GABBR2: variants seen among roughly 807,000 people sequenced by gnomAD.
GABBR2 encodes G-protein coupled receptor 51.
Under a neutral mutation model 105.6 loss-of-function variants are expected in GABBR2, and 23 were observed. That is an observed-to-expected ratio of 0.22 (90% CI 0.16 to 0.31). GABBR2 has a LOEUF of 0.31. GABBR2 is among the 10% of genes least tolerant of loss of function. The probability of loss-of-function intolerance (pLI) is 1.00; values close to 1 mark genes in which losing one functional copy is unlikely to be tolerated. For missense variants in GABBR2, 734 were observed against 1,245.5 expected, an observed-to-expected ratio of 0.59 and a Z score of 6.18; for synonymous variants, 478 against 499.7, an observed-to-expected ratio of 0.96 and a Z score of 0.58.
Position 98,422,439 on chromosome 9 carries a change from T to C in GABBR2, c.1237-16298A>G, listed in dbSNP as rs140839538. Among the ~76,000 whole-genome samples the C allele has an allele frequency of 3.5e-3, 533 of 152,114 alleles. 2 individuals are homozygous for C. The highest frequency in any genetic ancestry group is 0.011 in the African/African-American group (476 of 41,446). On this transcript the variant is annotated intron_variant, in intron 7 of 18. Coordinates refer to ENST00000259455, the MANE Select transcript of GABBR2 (RefSeq NM_005458.8). ...ACTCTTTGACCCAGAATTTCACTCC[T>C]GGGAAACAGCCTAAGAAATTCTCAT...
At chr9:98,308,439 G>A (rs1422332753) in intron 14 of GABBR2, among the ~76,000 whole-genome samples, 2 of 152,184 alleles carry the variant, frequency 1.3e-5, no homozygotes, top group Non-Finnish European at 2.9e-5. Flanking sequence ...GTTGAATGGT[G>A]ACTCTAAAAG....
At chr9:98,380,635 A>G (rs1831956323) in intron 11 of GABBR2, among the ~76,000 whole-genome samples, 1 of 152,236 alleles carries the variant, frequency 6.6e-6, no homozygotes, top group Non-Finnish European at 1.5e-5. Context: ...GGGAGACAGC[A>G]CGGGGTATAG....
intron 7 of GABBR2, among the ~76,000 whole-genome samples, chr9:98,452,227 G>T (rs962972760): frequency 6.6e-6 from 1 of 152,180 alleles, no homozygotes; most frequent in Non-Finnish European, 1.5e-5. Flanking sequence ...AAATGCCCCA[G>T]CCAGCTCAGC....
intron 3 of GABBR2, among the ~76,000 whole-genome samples, chr9:98,527,361 G>A (rs1198695623): frequency 1.3e-5 from 2 of 151,796 alleles, no homozygotes; most frequent in Non-Finnish European, 2.9e-5. Flanking sequence ...ATGCAGTACC[G>A]CCTCAATGAA....
chr9:98,614,729 G>C (rs1051448921), intron 1 of GABBR2, among the ~76,000 whole-genome samples: 2 of 151,648 alleles, frequency 1.3e-5, no homozygotes, highest in African/African-American at 4.8e-5. Flanking sequence ...TGTTGTTTCT[G>C]TGGAGGGAAG....
At chr9:98,438,542 GA>G (rs1288943641) in intron 7 of GABBR2, among the ~76,000 whole-genome samples, 1 of 152,144 alleles carries the variant, frequency 6.6e-6, no homozygotes. Context: ...TACCCTCAAG[GA>G]GTTGGTAGTA....
intron 1 of GABBR2, among the ~76,000 whole-genome samples, chr9:98,596,398 A>C (rs1304972025): frequency 6.6e-6 from 1 of 152,180 alleles, no homozygotes; most frequent in Admixed American, 6.5e-5. Context: ...GGGGAAATAA[A>C]GGCAGTCACA....
chr9:98,626,589 C>A (rs1829740499), intron 1 of GABBR2, among the ~76,000 whole-genome samples: 1 of 152,074 alleles, frequency 6.6e-6, no homozygotes, highest in Admixed American at 6.5e-5. Flanking sequence ...AGTTTCTGTA[C>A]AACGGGGATA....
chr9:98,502,179 T>C (rs1827413958), intron 3 of GABBR2, among the ~76,000 whole-genome samples: 1 of 151,698 alleles, frequency 6.6e-6, no homozygotes, highest in South Asian at 2.1e-4. Flanking sequence ...GAGAAAAAGG[T>C]GGAAAGCAAA....
intron 7 of GABBR2, among the ~76,000 whole-genome samples, chr9:98,453,153 A>T (rs1826262135): frequency 6.6e-6 from 1 of 152,174 alleles, no homozygotes; most frequent in South Asian, 2.1e-4. Flanking sequence ...CAGCCTCCCG[A>T]GTAGCTGGGA....
intron 9 of GABBR2, among the ~76,000 whole-genome samples, chr9:98,391,743 C>T (rs1832184873): frequency 6.6e-6 from 1 of 152,122 alleles, no homozygotes. Flanking sequence ...AGAGAGGAGA[C>T]AGAGAAGCGA....
At chr9:98,311,375 C>T (rs1290593424) in intron 13 of GABBR2, among the ~76,000 whole-genome samples, 170 bp from the exon 14 acceptor site, 2 of 152,188 alleles carry the variant, frequency 1.3e-5, no homozygotes, top group African/African-American at 2.4e-5. Context: ...CAGGCCTCAA[C>T]TAGCGTTGAC....
At chr9:98,699,403 G>A (rs1427144697) in intron 1 of GABBR2, among the ~76,000 whole-genome samples, 1 of 151,974 alleles carries the variant, frequency 6.6e-6, no homozygotes, top group Non-Finnish European at 1.5e-5. Flanking sequence ...ATAAGAACCC[G>A]AAAGAATGAA....
intron 11 of GABBR2, among the ~76,000 whole-genome samples, chr9:98,383,997 C>T (rs949240262): frequency 2.0e-5 from 3 of 152,162 alleles, no homozygotes; most frequent in Admixed American, 6.5e-5. Context: ...CAAATGCAGT[C>T]TAAAAAAGGC....
chr9:98,574,074 G>A (rs986047431), intron 2 of GABBR2, among the ~76,000 whole-genome samples: 1 of 152,170 alleles, frequency 6.6e-6, no homozygotes, highest in Non-Finnish European at 1.5e-5. Context: ...GTGGTATCCG[G>A]GGTTTTGAAG....
At chr9:98,648,586 C>T (rs926563934) in intron 1 of GABBR2, among the ~76,000 whole-genome samples, 2 of 152,200 alleles carry the variant, frequency 1.3e-5, no homozygotes, top group Admixed American at 1.3e-4. Context: ...GTCACTCCTC[C>T]CACTTCTCCC....
chr9:98,593,138 G>T lies in GABBR2; in HGVS notation c.322-15066C>A, dbSNP rs975915773. Among the ~76,000 whole-genome samples, 4 of 152,170 alleles carry T rather than the reference G, an allele frequency of 2.6e-5. No homozygotes were observed. In the East Asian group the frequency reaches 5.8e-4, roughly 22 times the overall value. On this transcript the variant is annotated intron_variant, in intron 1 of 18. Coordinates refer to ENST00000259455, the MANE Select transcript of GABBR2 (RefSeq NM_005458.8). Reference sequence around the variant, plus strand: ...TGGGATTACAGGCGTGAGCCACCATGCCTGGCCATTCTAATTATTTTTAAG... The same window carrying T: ...TGGGATTACAGGCGTGAGCCACCATTCCTGGCCATTCTAATTATTTTTAAG...
chr9:98,616,970 T>C (rs10987082), intron 1 of GABBR2, among the ~76,000 whole-genome samples: 14,057 of 152,230 alleles, frequency 0.092, 1,030 homozygotes, highest in African/African-American at 0.2. Context: ...TTGCAATCCC[T>C]TGGACAGTGT....
chr9:98,531,283 C>G (rs1828062898), intron 3 of GABBR2, among the ~76,000 whole-genome samples: 1 of 152,138 alleles, frequency 6.6e-6, no homozygotes, highest in African/African-American at 2.4e-5. Context: ...GAGAAGGACT[C>G]CACTCTGAGG....
Sources: allele counts gnomAD v4.1 joint callset (sites outside exome capture counted in the v4.1 genomes callset), GRCh38; gene constraint gnomAD v4.1.1; transcripts MANE v1.5; gene names NCBI Gene and HGNC (gene_info 2026-07-23, HGNC 2026-07-21).